The following MTUS2 variants were observed in gnomAD, a reference collection of about 807,000 sequenced individuals.
MTUS2 encodes microtubule associated scaffold protein 2, also known as microtubule-associated tumor suppressor candidate 2.
Under a neutral mutation model 114.1 loss-of-function variants are expected in MTUS2, and 40 were observed. The observed-to-expected ratio is 0.35, with a 90% confidence interval of 0.27 to 0.46. The LOEUF (loss-of-function observed/expected upper bound fraction) is 0.46. MTUS2 is among the 20% of genes least tolerant of loss of function. The probability of loss-of-function intolerance (pLI) is 1.00; values close to 1 mark genes in which losing one functional copy is unlikely to be tolerated. For synonymous variants in MTUS2, 688 were observed against 672.0 expected (o/e 1.02, Z -0.37); for missense variants, 1,679 against 1,705.4 (o/e 0.98, Z 0.27).
chr13:29,214,018 G>A (rs1895569893), intron 5 of MTUS2, among the ~76,000 whole-genome samples: 2 of 151,290 alleles, frequency 1.3e-5, no homozygotes, highest in South Asian at 4.2e-4. Flanking sequence ...TAATATTAAT[G>A]TATGTTTTTA....
intron 10 of MTUS2, among the ~76,000 whole-genome samples, chr13:29,484,645 G>A (rs1247133283): frequency 1.3e-5 from 2 of 152,238 alleles, no homozygotes; most frequent in Non-Finnish European, 2.9e-5. Context: ...CATTAAGAGC[G>A]TGGGAGAGAG....
chr13:29,449,807 A>T (rs933029901), intron 9 of MTUS2, among the ~76,000 whole-genome samples: 1 of 152,214 alleles, frequency 6.6e-6, no homozygotes, highest in Admixed American at 6.5e-5. Context: ...GGATTATAAC[A>T]CAGTGTGATT....
chr13:28,863,411 T>C (rs1877110237), intron 2 of MTUS2, among the ~76,000 whole-genome samples: 1 of 152,188 alleles, frequency 6.6e-6, no homozygotes, highest in African/African-American at 2.4e-5. Context: ...AAACACACAG[T>C]GTCATTAAAG....
At chr13:29,368,921 C>A (rs939456191) in intron 8 of MTUS2, among the ~76,000 whole-genome samples, 6 of 152,010 alleles carry the variant, frequency 3.9e-5, no homozygotes, top group African/African-American at 1.5e-4. Context: ...GCCTGTGCAT[C>A]CTTCATGGGG....
In MTUS2 at chr13:28,996,265, A is replaced by G. The variant is rs571607359; in HGVS notation, c.-242-28192A>G. 7.1e-4 allele frequency among the ~76,000 whole-genome samples: 108 copies of G among 152,264 alleles called. No individual in the cohort carries two copies. The Middle Eastern group carries it at 0.02, about 29-fold the overall frequency. On this transcript the variant is annotated intron_variant, in intron 2 of 15. Coordinates refer to ENST00000612955, the MANE Select transcript of MTUS2 (RefSeq NM_001033602.4). ...GATGAAGCCCACTTGATCATGGTGG[A>G]TAAGCTTTTTGATGTGTAGCTGGAT...
intron 2 of MTUS2, among the ~76,000 whole-genome samples, chr13:28,898,465 C>T (rs759031297): frequency 3.9e-5 from 6 of 152,194 alleles, no homozygotes; most frequent in African/African-American, 1.4e-4. Flanking sequence ...TTTGTCTTTC[C>T]ATCCTGAACA....
intron 5 of MTUS2, among the ~76,000 whole-genome samples, chr13:29,261,352 C>T (rs1897464892): frequency 6.6e-6 from 1 of 152,124 alleles, no homozygotes; most frequent in African/African-American, 2.4e-5. Flanking sequence ...CTGAAGTGTT[C>T]ATACATATAC....
At chr13:29,221,801 T>G (rs1358984614) in intron 5 of MTUS2, among the ~76,000 whole-genome samples, 1 of 152,240 alleles carries the variant, frequency 6.6e-6, no homozygotes, top group Non-Finnish European at 1.5e-5. Context: ...TTTTTGTTTC[T>G]TTAGAAATCT....
chr13:29,172,956 A>G (rs186315290), intron 5 of MTUS2, among the ~76,000 whole-genome samples: 1 of 152,204 alleles, frequency 6.6e-6, no homozygotes, highest in East Asian at 1.9e-4. Flanking sequence ...CTAAAAATAG[A>G]TTTTTCCTCT....
At chr13:28,830,870 T>A (rs1874622984) in intron 1 of MTUS2, among the ~76,000 whole-genome samples, 1 of 152,128 alleles carries the variant, frequency 6.6e-6, no homozygotes, top group Admixed American at 6.5e-5. Flanking sequence ...AATGATGTAT[T>A]GAAAATGCTG....
rs200991410 is a variant in MTUS2 at position 28,996,282 on chromosome 13, T to C, written c.-242-28175T>C. ...CATGGTGGATAAGCTTTTTGATGTG[T>C]AGCTGGATTCCGTTTGCCAGTGTTT... On this transcript the variant is annotated intron_variant, in intron 2 of 15. Coordinates refer to ENST00000612955, the MANE Select transcript of MTUS2 (RefSeq NM_001033602.4). 4.8e-4 allele frequency among the ~76,000 whole-genome samples: 73 copies of C among 152,300 alleles called. No individual in the cohort carries two copies. In the East Asian group the frequency reaches 0.012, roughly 26 times the overall value.
chr13:28,849,732 C>T (rs1876123616), intron 2 of MTUS2, among the ~76,000 whole-genome samples: 1 of 152,038 alleles, frequency 6.6e-6, no homozygotes, highest in Non-Finnish European at 1.5e-5. Context: ...GCCAGACTTT[C>T]CTGCTTCTCC....
intron 2 of MTUS2, among the ~76,000 whole-genome samples, chr13:28,998,478 C>T (rs529605598): frequency 2.0e-5 from 3 of 152,314 alleles, no homozygotes; most frequent in South Asian, 2.1e-4. Context: ...TAATGTCGTG[C>T]AGAGTGTTTT....
rs1246830989 is a variant in MTUS2 at position 29,192,953 on chromosome 13, G to T, written c.2645-88751G>T. ...TAATATAAGAGAATAACAGTTGGAT[G>T]CCTAGAGGGTTGGTGGGGGTTAAAG... On this transcript the variant is annotated intron_variant, in intron 5 of 15. Transcript: ENST00000612955. 2.0e-5 allele frequency among the ~76,000 whole-genome samples: 3 copies of T among 152,290 alleles called. 1 individual carries two copies. The South Asian group carries it at 6.2e-4, about 32-fold the overall frequency.
chr13:28,994,769 T>G (rs909321283), intron 2 of MTUS2, among the ~76,000 whole-genome samples: 1 of 152,160 alleles, frequency 6.6e-6, no homozygotes, highest in Admixed American at 6.5e-5. Flanking sequence ...TCTTGTAAAT[T>G]TGTTTGAGTT....
chr13:29,285,504 G>A (rs1898443187), intron 6 of MTUS2, among the ~76,000 whole-genome samples: 1 of 152,186 alleles, frequency 6.6e-6, no homozygotes, highest in African/African-American at 2.4e-5. Context: ...AATATATACA[G>A]ATTACCTGGG....
intron 9 of MTUS2, among the ~76,000 whole-genome samples, chr13:29,474,013 A>C (rs1593485670): frequency 6.6e-6 from 1 of 152,294 alleles, no homozygotes; most frequent in East Asian, 1.9e-4. Flanking sequence ...GGACTCCATT[A>C]TTGGAGCCAT....
intron 2 of MTUS2, among the ~76,000 whole-genome samples, chr13:28,871,426 C>G (rs1013303731): frequency 6.6e-6 from 1 of 151,962 alleles, no homozygotes; most frequent in East Asian, 1.9e-4. Context: ...AATAGGGGCT[C>G]ATAGTAATGA....
intron 5 of MTUS2, among the ~76,000 whole-genome samples, chr13:29,249,449 C>G (rs1897046186): frequency 6.6e-6 from 1 of 152,178 alleles, no homozygotes; most frequent in South Asian, 2.1e-4. Context: ...GTTCCTGTTT[C>G]TCCACAGCCT....
Sources: gnomAD v4.1 joint callset for allele counts (sites outside exome capture counted in the v4.1 genomes callset) on GRCh38, gnomAD v4.1.1 for gene constraint, MANE v1.5 for transcripts, NCBI Gene and HGNC (gene_info 2026-07-23, HGNC 2026-07-21) for gene names.